RYK: variants seen among roughly 807,000 people sequenced by gnomAD.
RYK encodes inactive tyrosine-protein kinase RYK.
RYK carries 21 observed loss-of-function variants against 70.2 expected under a neutral mutation model. That is an observed-to-expected ratio of 0.30 (90% confidence interval 0.21 to 0.43). The LOEUF is 0.43. Among genes scored for constraint, RYK ranks in the 20% least tolerant of loss-of-function variants. RYK has a pLI of 1.00. For synonymous variants in RYK, 267 were observed against 278.0 expected (o/e 0.96, Z 0.39); for missense variants, 604 against 753.3 (o/e 0.80, Z 2.32).
At chr3:134,238,246 A>G (rs2015239205) in intron 1 of RYK, among the ~76,000 whole-genome samples, 2 of 152,216 alleles carry the variant, frequency 1.3e-5, no homozygotes, top group Non-Finnish European at 2.9e-5. Flanking sequence ...TAGCTGTTCA[A>G]GCAATAATCT....
intron 5 of RYK, 127 bp from the exon 6 acceptor site, chr3:134,203,001 C>T: frequency 1.4e-6 from 1 of 706,488 alleles, no homozygotes; most frequent in Non-Finnish European, 2.3e-6. Flanking sequence ...TTACCAGTAG[C>T]ATATTGGTGG....
intron 1 of RYK, among the ~76,000 whole-genome samples, chr3:134,229,563 AC>A (rs1294582239): frequency 2.0e-5 from 3 of 152,110 alleles, no homozygotes; most frequent in Non-Finnish European, 4.4e-5. Flanking sequence ...AAAATTAAAA[AC>A]TTCTGTCCCT....
At chr3:134,169,058 A>G (rs2012798614) in intron 13 of RYK, among the ~76,000 whole-genome samples, 1 of 152,176 alleles carries the variant, frequency 6.6e-6, no homozygotes, top group South Asian at 2.1e-4. Flanking sequence ...TAAATAATGT[A>G]AAGGCACAAG....
At chr3:134,239,684 CCTA>C (rs909436630) in intron 1 of RYK, among the ~76,000 whole-genome samples, 49 of 152,184 alleles carry the variant, frequency 3.2e-4, no homozygotes, top group African/African-American at 1.1e-3. Context: ...TTAATGAAAA[CCTA>C]CTACATGTCA....
intron 1 of RYK, among the ~76,000 whole-genome samples, chr3:134,246,116 T>C (rs979104127): frequency 2.1e-4 from 32 of 151,404 alleles, no homozygotes; most frequent in Non-Finnish European, 3.4e-4. Flanking sequence ...TAAAATAAGA[T>C]GCAATGAAAT....
Position 134,159,248 on chromosome 3 carries a change from A to G in RYK, c.1701T>C (p.Cys567=), listed in dbSNP as rs1269130805. ...TCAAAAAAACTCACAATTCATCAGG[A>G]CAGTTGATTGGCTGGGCTATTCGGT... ...DGYRIAQPIN[C]PDELFAVMAC... is the part of the protein sequence containing the mutation. Residue 567 remains cysteine, a synonymous_variant, in exon 14 of 15, where the codon TGT becomes TGC. Coordinates refer to ENST00000623711, the MANE Select transcript of RYK (RefSeq NM_002958.4). The G allele has an allele frequency of 1.2e-6, 2 of 1,613,890 alleles. No homozygotes were observed. Among genetic ancestry groups the G allele is most frequent in the Non-Finnish European group, 1.7e-6 (2 of 1,179,804 alleles).
intron 13 of RYK, among the ~76,000 whole-genome samples, chr3:134,163,462 G>T (rs1430202770): frequency 6.6e-6 from 1 of 152,158 alleles, no homozygotes; most frequent in Non-Finnish European, 1.5e-5. Flanking sequence ...AGAACATTTA[G>T]ATAATTATAA....
intron 2 of RYK, among the ~76,000 whole-genome samples, chr3:134,215,284 G>A (rs2014517870): frequency 6.6e-6 from 1 of 152,200 alleles, no homozygotes; most frequent in African/African-American, 2.4e-5. Context: ...TGAAAAGGAG[G>A]AGAGAAGGGA....
chr3:134,229,888 A>C (rs2107689773), intron 1 of RYK, among the ~76,000 whole-genome samples: 2 of 152,306 alleles, frequency 1.3e-5, no homozygotes, highest in South Asian at 4.1e-4. Flanking sequence ...ATAACATTGA[A>C]CGTTGGCAAG....
intron 2 of RYK, among the ~76,000 whole-genome samples, chr3:134,217,816 TA>T (rs1208771461): frequency 3.3e-5 from 5 of 152,186 alleles, no homozygotes; most frequent in Non-Finnish European, 5.9e-5. Context: ...GTATACCCTT[TA>T]TGCTTTTTAA....
intron 1 of RYK, among the ~76,000 whole-genome samples, chr3:134,236,603 G>C (rs2015205593): frequency 6.6e-6 from 1 of 152,130 alleles, no homozygotes; most frequent in Admixed American, 6.5e-5. Flanking sequence ...ATTGTGAGCA[G>C]GCCAAAATAG....
intron 6 of RYK, among the ~76,000 whole-genome samples, chr3:134,201,448 G>T (rs995888462): frequency 6.6e-6 from 1 of 152,062 alleles, no homozygotes; most frequent in South Asian, 2.1e-4. Context: ...CTCCCTAACT[G>T]GAAAAAGCTT....
intron 6 of RYK, among the ~76,000 whole-genome samples, chr3:134,199,001 A>C (rs1392725157): frequency 6.6e-6 from 1 of 152,206 alleles, no homozygotes; most frequent in Non-Finnish European, 1.5e-5. Flanking sequence ...ACAGTCACAA[A>C]CTAACAGGGA....
intron 2 of RYK, 98 bp from the exon 3 acceptor site, chr3:134,211,705 C>G: frequency 5.5e-6 from 4 of 731,556 alleles, no homozygotes; most frequent in South Asian, 1.7e-5. Flanking sequence ...AATGGATGAG[C>G]CTTTCATATG....
intron 6 of RYK, among the ~76,000 whole-genome samples, chr3:134,196,324 G>A (rs2013809672): frequency 6.6e-6 from 1 of 152,100 alleles, no homozygotes; most frequent in African/African-American, 2.4e-5. Flanking sequence ...GTCTTTCAAT[G>A]CCTCTCTTAG....
chr3:134,179,594 A>T (rs1301719704), intron 10 of RYK: 1 of 152,240 alleles, frequency 6.6e-6, no homozygotes, highest in African/African-American at 2.4e-5. Flanking sequence ...TCAGATCTTC[A>T]TCTGATTCAA....
chr3:134,235,790 A>G (rs192012180), intron 1 of RYK, among the ~76,000 whole-genome samples: 149 of 152,304 alleles, frequency 9.8e-4, no homozygotes, highest in Non-Finnish European at 3.8e-4. Flanking sequence ...AGAAATGATT[A>G]GAGAGGCAGT....
intron 13 of RYK, among the ~76,000 whole-genome samples, chr3:134,172,161 G>T (rs1428828054): frequency 6.6e-6 from 1 of 151,780 alleles, no homozygotes; most frequent in African/African-American, 2.4e-5. Context: ...ATCAACCACT[G>T]GAAATAAAAA....
intron 9 of RYK, among the ~76,000 whole-genome samples, chr3:134,186,914 CA>C: frequency 6.6e-6 from 1 of 151,624 alleles, no homozygotes; most frequent in South Asian, 2.1e-4. Context: ...AAAAGAGTAA[CA>C]AAAGGCTGTT....
Sources: allele counts gnomAD v4.1 joint callset (sites outside exome capture counted in the v4.1 genomes callset), GRCh38; gene constraint gnomAD v4.1.1; transcripts MANE v1.5; gene names NCBI Gene and HGNC (gene_info 2026-07-23, HGNC 2026-07-21).